Variants in NCALD observed in about 807,000 individuals in gnomAD.
The protein encoded by NCALD is neurocalcin delta.
A neutral mutation model predicts 18.6 loss-of-function variants in NCALD; 10 were observed. The observed-to-expected ratio is 0.54, with a 90% confidence interval of 0.33 to 0.91. The LOEUF is 0.91. Ranked by LOEUF, NCALD falls within the 40% of genes least tolerant of loss-of-function variation. The pLI, the probability that NCALD is intolerant of heterozygous loss-of-function variation, is 0.03. For synonymous variants in NCALD, 88 were observed against 87.4 expected, an observed-to-expected ratio of 1.01 and a Z score of -0.04; for missense variants, 184 against 247.6, an observed-to-expected ratio of 0.74 and a Z score of 1.72.
At chr8:101,927,016 A>G (rs1818358981) in intron 2 of NCALD, among the ~76,000 whole-genome samples, 1 of 152,178 alleles carries the variant, frequency 6.6e-6, no homozygotes, top group Non-Finnish European at 1.5e-5. Flanking sequence ...CAATTAACAG[A>G]CACTGGCCCT....
Position 101,864,464 on chromosome 8 carries a change from T to C in NCALD, c.-20+22677A>G, listed in dbSNP as rs190490222. ...GCCAACGGAGTAAAGGAGAGAGATC[T>C]GGAGAGAGAGAGGTGAGACAGGCAT... On this transcript the variant is annotated intron_variant, in intron 4 of 6. Coordinates refer to the NCALD transcript ENST00000311028. Among the ~76,000 whole-genome samples the C allele has an allele frequency of 9.9e-5, 15 of 152,164 alleles. No individual in the cohort carries two copies. The East Asian group carries it at 2.7e-3, about 27-fold the overall frequency.
intron 2 of NCALD, among the ~76,000 whole-genome samples, chr8:102,014,677 C>A (rs866457798): frequency 6.6e-6 from 1 of 152,102 alleles, no homozygotes; most frequent in Non-Finnish European, 1.5e-5. Flanking sequence ...CATTTAAATG[C>A]CTTAATTCTG....
chr8:101,965,899 A>C (rs1820008166), intron 2 of NCALD, among the ~76,000 whole-genome samples: 1 of 152,226 alleles, frequency 6.6e-6, no homozygotes, highest in African/African-American at 2.4e-5. Context: ...CACATTACTC[A>C]TAATTATTTG....
chr8:101,987,901 T>G (rs1820875236), intron 2 of NCALD, among the ~76,000 whole-genome samples: 3 of 152,102 alleles, frequency 2.0e-5, no homozygotes, highest in African/African-American at 7.2e-5. Flanking sequence ...ATGCCTGTAA[T>G]CCCAGCACTT....
Position 101,999,797 on chromosome 8 carries a change from A to T in NCALD, c.-157+20440T>A, listed in dbSNP as rs114624161. ...TATTCCTTTGCAATTACAAAAAAAA[A>T]ATCGAAAAACATTTTTCTGAATCTT... On this transcript the variant is annotated intron_variant, in intron 2 of 6. Coordinates refer to the NCALD transcript ENST00000311028. Among the ~76,000 whole-genome samples, 1,520 of 152,314 alleles carry T rather than the reference A, an allele frequency of 1.0e-2. 18 individuals are homozygous for T. The highest frequency in any genetic ancestry group is 0.033 in the African/African-American group (1,387 of 41,560).
At chr8:102,076,930 C>T (rs1471243323) in intron 1 of NCALD, among the ~76,000 whole-genome samples, 2 of 152,220 alleles carry the variant, frequency 1.3e-5, no homozygotes, top group Non-Finnish European at 2.9e-5. Context: ...CCGTGACTCA[C>T]ACCTGCACAG....
chr8:101,937,825 TAAAC>T (rs1818818928), intron 2 of NCALD, among the ~76,000 whole-genome samples: 1 of 152,130 alleles, frequency 6.6e-6, no homozygotes, highest in Non-Finnish European at 1.5e-5. Flanking sequence ...AGTCAATAAA[TAAAC>T]AAATGAATCA....
At chr8:101,946,670 A>G (rs1819186006) in intron 2 of NCALD, among the ~76,000 whole-genome samples, 1 of 152,160 alleles carries the variant, frequency 6.6e-6, no homozygotes, top group South Asian at 2.1e-4. Flanking sequence ...GAATGATGAA[A>G]TCGTTCACAC....
chr8:101,840,144 AT>A (rs1814584497), intron 4 of NCALD, among the ~76,000 whole-genome samples: 1 of 152,124 alleles, frequency 6.6e-6, no homozygotes, highest in African/African-American at 2.4e-5. Flanking sequence ...GCTGAAGAGC[AT>A]GTTCAAATTG....
At chr8:101,963,183 T>C (rs2131858866) in intron 2 of NCALD, among the ~76,000 whole-genome samples, 1 of 152,300 alleles carries the variant, frequency 6.6e-6, no homozygotes, top group South Asian at 2.1e-4. Context: ...AAACCTCTTT[T>C]CAAGTCATGG....
In NCALD at chr8:101,750,400, C is replaced by T. The variant is rs545214092; in HGVS notation, c.-19-30752G>A. Among the ~76,000 whole-genome samples the T allele has an allele frequency of 3.7e-4, 56 of 152,242 alleles. No homozygotes were observed. The South Asian group carries it at 0.011, about 30-fold the overall frequency. On this transcript the variant is annotated intron_variant, in intron 1 of 3. Transcript: ENST00000220931. The stretch of plus-strand genomic sequence containing the variant: ...TGACTTGATCACCGGAGAGGCCCAC[C>T]CTGGTTGTCCAACTGGTGATAAAAG...
chr8:101,901,399 T>C (rs554422775), intron 3 of NCALD, among the ~76,000 whole-genome samples: 23 of 152,286 alleles, frequency 1.5e-4, no homozygotes, highest in African/African-American at 5.3e-4. Flanking sequence ...CTGCCATTTT[T>C]GTTGTTTCCT....
At chr8:101,732,427 G>C (rs1173068004) in intron 1 of NCALD, among the ~76,000 whole-genome samples, 1 of 151,942 alleles carries the variant, frequency 6.6e-6, no homozygotes, top group African/African-American at 2.4e-5. Context: ...TAGACTCTAA[G>C]AATAGTTCAT....
intron 3 of NCALD, among the ~76,000 whole-genome samples, chr8:101,890,815 A>G (rs1213120074): frequency 6.6e-6 from 1 of 152,242 alleles, no homozygotes; most frequent in Admixed American, 6.5e-5. Flanking sequence ...TGAGACATCC[A>G]GAGAAACTCT....
At chr8:101,984,855 C>A (rs1820745826) in intron 2 of NCALD, among the ~76,000 whole-genome samples, 1 of 152,160 alleles carries the variant, frequency 6.6e-6, no homozygotes, top group Non-Finnish European at 1.5e-5. Flanking sequence ...AGGGGGTACC[C>A]ACCATCACCT....
intron 4 of NCALD, among the ~76,000 whole-genome samples, chr8:101,821,881 TA>T (rs370878560): frequency 0.11 from 12,940 of 116,210 alleles, 1,262 homozygotes; most frequent in African/African-American, 0.29. Flanking sequence ...GGGTTCTAAG[TA>T]AAAAAAAAAA....
At position 102,052,607 on chromosome 8, in the gene NCALD, T is replaced by C. The variant is rs146960866; in HGVS notation, c.-209-32318A>G. Among the ~76,000 whole-genome samples the C allele has an allele frequency of 2.5e-3, 382 of 152,374 alleles. 3 individuals carry two copies. Among genetic ancestry groups the C allele is most frequent in the African/African-American group, 8.8e-3 (365 of 41,596 alleles). On this transcript the variant is annotated intron_variant, in intron 1 of 6. Transcript: ENST00000311028. ...AAAGACTTCCATCTCTTCCCCAACC[T>C]GGTAACAGTTTCCAAAATGGACAAA...
intron 1 of NCALD, among the ~76,000 whole-genome samples, chr8:102,102,541 G>T (rs780395736): frequency 2.0e-5 from 3 of 152,166 alleles, no homozygotes; most frequent in African/African-American, 4.8e-5. Context: ...CTGAGGCTCA[G>T]TTAAGGGATT....
Position 101,835,921 on chromosome 8 carries a change from A to T in NCALD, c.-20+51220T>A, listed in dbSNP as rs142166608. Among the ~76,000 whole-genome samples, 1,412 of 152,154 alleles carry T rather than the reference A, an allele frequency of 9.3e-3. 11 individuals carry two copies. Among genetic ancestry groups the T allele is most frequent in the Non-Finnish European group, 0.014 (938 of 67,992 alleles). ...AAGCAGAATTGTGTAGGGCCTTGTT[A>T]CCCAAAGACAACCCCTGGAAGTCTA... is the stretch of plus-strand genomic sequence containing the variant. On this transcript the variant is annotated intron_variant, in intron 4 of 6. Transcript: ENST00000311028.
Sources: gnomAD v4.1 joint callset for allele counts (sites outside exome capture counted in the v4.1 genomes callset) on GRCh38, gnomAD v4.1.1 for gene constraint, MANE v1.5 for transcripts, NCBI Gene and HGNC (gene_info 2026-07-23, HGNC 2026-07-21) for gene names.